TOR1AIP2: variants seen among roughly 807,000 people sequenced by gnomAD.
TOR1AIP2 encodes the protein torsin-1A-interacting protein 2.
Under a neutral mutation model 32.6 loss-of-function variants are expected in TOR1AIP2, and 20 were observed. The ratio of observed to expected loss-of-function variants is 0.61; its 90% CI spans 0.43 to 0.89. The LOEUF (loss-of-function observed/expected upper bound fraction) is 0.89, where lower values mean the gene tolerates loss of function less well. Among genes scored for constraint, TOR1AIP2 ranks in the 40% least tolerant of loss-of-function variants. TOR1AIP2 has a pLI of 0.00. For synonymous variants in TOR1AIP2, 214 were observed against 210.8 expected, an observed-to-expected ratio of 1.02 and a Z score of -0.13; for missense variants, 456 against 553.8, an observed-to-expected ratio of 0.82 and a Z score of 1.77.
chr1:179,856,278 A>G (rs947739004), intron 3 of TOR1AIP2, among the ~76,000 whole-genome samples: 1 of 152,232 alleles, frequency 6.6e-6, no homozygotes, highest in African/African-American at 2.4e-5. Flanking sequence ...ATTATCCTCA[A>G]TAAACCTTAT....
intron 3 of TOR1AIP2, chr1:179,860,588 G>A (rs1696482927): frequency 1.0e-6 from 1 of 985,360 alleles, no homozygotes; most frequent in Non-Finnish European, 1.2e-6. Context: ...TTTAGTATGT[G>A]CCATATGTTT....
At chr1:179,850,437 T>C (rs1696072557) in intron 5 of TOR1AIP2, among the ~76,000 whole-genome samples, 2 of 152,254 alleles carry the variant, frequency 1.3e-5, no homozygotes, top group South Asian at 2.1e-4. Context: ...TTTTTAAATA[T>C]ACCCATCTCT....
chr1:179,862,107 G>T (rs1696558548), intron 3 of TOR1AIP2: 1 of 985,146 alleles, frequency 1.0e-6, no homozygotes, highest in African/African-American at 1.7e-5. Flanking sequence ...AGCTCTCACA[G>T]GTACTGCTTA....
intron 3 of TOR1AIP2, chr1:179,864,121 G>C: frequency 1.0e-6 from 1 of 985,394 alleles, no homozygotes; most frequent in Non-Finnish European, 1.2e-6. Context: ...TGGCATTTCT[G>C]CATGTTTCTG....
intron 3 of TOR1AIP2, chr1:179,860,022 TTTTTTGTAGA>T: frequency 1.4e-6 from 1 of 730,636 alleles, no homozygotes; most frequent in South Asian, 6.2e-5. Context: ...TTTTTAAAAC[TTTTTTGTAGA>T]GTTGGGGGTC....
chr1:179,852,823 T>C lies in TOR1AIP2; in HGVS notation c.-146-12A>G. ...CATATATACAGTGACTAAAACAAAA[T>C]GAAAAAAAATTAAATGACTTTTTAT... On this transcript the variant is annotated splice_polypyrimidine_tract_variant and intron_variant, in intron 3 of 6. Coordinates refer to ENST00000609928, the MANE Select transcript of TOR1AIP2 (RefSeq NM_001199260.2). 7.2e-7 allele frequency: 1 copy of C among 1,390,034 alleles called. No homozygotes were observed. The highest frequency in any genetic ancestry group is 9.4e-7 in the Non-Finnish European group (1 of 1,066,362). 86.1% of individuals were successfully genotyped at this position (1,390,034 alleles called of 1,614,324 possible).
At chr1:179,869,887 A>G (rs1030890199) in intron 2 of TOR1AIP2, among the ~76,000 whole-genome samples, 10 of 152,380 alleles carry the variant, frequency 6.6e-5, no homozygotes, top group Admixed American at 4.6e-4. Flanking sequence ...CTGTCAGATA[A>G]TAACACTTAG....
At chr1:179,863,690 AAAAAAAAAG>A in intron 3 of TOR1AIP2, 1 of 984,430 alleles carries the variant, frequency 1.0e-6, no homozygotes, top group Non-Finnish European at 1.2e-6. Context: ...AAAAAAAAAA[AAAAAAAAAG>A]AGGATCGCAA....
In TOR1AIP2 at chr1:179,845,910, A is replaced by G. The variant is rs1308426073; in HGVS notation, c.*161T>C. ...AAGGCTTAGATTAGAAAGATTTTAC[A>G]AGGAATAAAAAATAAAAACTTGTTT... On this transcript the variant is annotated 3_prime_UTR_variant, in exon 7 of 7. Coordinates refer to ENST00000609928, the MANE Select transcript of TOR1AIP2 (RefSeq NM_001199260.2). The G allele has an allele frequency of 5.9e-6, 4 of 680,628 alleles. No homozygotes were observed. The highest frequency in any genetic ancestry group is 9.2e-6 in the Non-Finnish European group (4 of 434,760). The allele number at this position is 680,628 out of a possible 1,614,324, so 42.2% of individuals were successfully genotyped here.
At position 179,847,638 on chromosome 1, in the gene TOR1AIP2, T is replaced by G; in HGVS notation, c.554-2A>C. On this transcript the variant is annotated splice_acceptor_variant, in intron 5 of 6. Transcript: ENST00000609928. LOFTEE classifies it high-confidence loss of function. ...TTTGTTGTGGATGACTTCCAGCCTCTGGAGAGGAAAAGAATCAATATTATT... is the reference window on the plus strand; with the variant it reads ...TTTGTTGTGGATGACTTCCAGCCTCGGGAGAGGAAAAGAATCAATATTATT... 1.9e-6 allele frequency: 3 copies of G among 1,590,830 alleles called. No individual in the cohort carries two copies. The highest frequency in any genetic ancestry group is 2.6e-6 in the Non-Finnish European group (3 of 1,158,904).
chr1:179,850,467 T>C (rs1273029836), intron 5 of TOR1AIP2, among the ~76,000 whole-genome samples: 3 of 152,264 alleles, frequency 2.0e-5, no homozygotes, highest in African/African-American at 7.2e-5. Context: ...TAACATTTAG[T>C]TTCCCAAAAA....
chr1:179,872,528 A>G (rs1055958085), intron 2 of TOR1AIP2, among the ~76,000 whole-genome samples: 1 of 152,222 alleles, frequency 6.6e-6, no homozygotes, highest in Non-Finnish European at 1.5e-5. Flanking sequence ...CTGGTGACTT[A>G]TTCTAGATTT....
intron 5 of TOR1AIP2, among the ~76,000 whole-genome samples, chr1:179,848,036 A>G (rs77412069): frequency 1.3e-5 from 2 of 149,186 alleles, no homozygotes; most frequent in African/African-American, 4.9e-5. Context: ...CCATCTCAGA[A>G]AAAAAAAAAA....
chr1:179,864,480 T>G, intron 3 of TOR1AIP2: 1 of 1,094,868 alleles, frequency 9.1e-7, no homozygotes, highest in Non-Finnish European at 1.1e-6. Flanking sequence ...ATGACACTCA[T>G]TAGGTTGCAG....
intron 2 of TOR1AIP2, among the ~76,000 whole-genome samples, chr1:179,870,179 G>C (rs549682286): frequency 6.6e-6 from 1 of 152,098 alleles, no homozygotes; most frequent in South Asian, 2.1e-4. Context: ...GGTGGATCAC[G>C]AGGTCAGGAG....
At chr1:179,847,859 C>A (rs1695969896) in intron 5 of TOR1AIP2, among the ~76,000 whole-genome samples, 2 of 151,980 alleles carry the variant, frequency 1.3e-5, no homozygotes, top group Admixed American at 1.3e-4. Flanking sequence ...CAAGGTGAAA[C>A]CCTGTCTCTA....
At position 179,851,008 on chromosome 1, in the gene TOR1AIP2, T is replaced by C. The variant is rs78506845; in HGVS notation, c.390A>G (p.Ala130=). ...SPSDKVGRAD[A]HLGSSSVALP... Reference sequence around the variant, plus strand: ...GGGCCACAGAGCTGCTCCCTAAGTGTGCATCTGCTCTTCCTACCTTGTCAC... The same window carrying C: ...GGGCCACAGAGCTGCTCCCTAAGTGCGCATCTGCTCTTCCTACCTTGTCAC... Residue 130 remains alanine (A), a synonymous_variant, in exon 5 of 7, where the codon GCA becomes GCG. Coordinates refer to ENST00000609928, the MANE Select transcript of TOR1AIP2 (RefSeq NM_001199260.2). 5.8e-3 allele frequency: 9,348 copies of C among 1,614,184 alleles called. 492 individuals are homozygous for C. In the African/African-American group the frequency reaches 0.11, roughly 19 times the overall value.
rs1006825668 is a variant in TOR1AIP2 at position 179,840,247 on chromosome 1, C to G, written c.*5824G>C. On this transcript the variant is annotated 3_prime_UTR_variant, in exon 7 of 7. Coordinates refer to ENST00000609928, the MANE Select transcript of TOR1AIP2 (RefSeq NM_001199260.2). The stretch of plus-strand genomic sequence containing the variant: ...GTGCTCTCTGATGAACCAGGAGCAA[C>G]TGCCTGGAGCTTTGTGTTGATGCGT... The G allele has an allele frequency of 2.0e-5, 3 of 152,208 alleles. No homozygotes were observed. The highest frequency in any genetic ancestry group is 6.5e-5 in the Admixed American group (1 of 15,282). The allele number at this position is 152,208 out of a possible 1,614,324, so 9.4% of individuals were successfully genotyped here. A position where few individuals can be genotyped will look rare whatever the true frequency, so the allele number is the denominator to read the frequency against.
chr1:179,863,753 A>C, intron 3 of TOR1AIP2: 1 of 985,252 alleles, frequency 1.0e-6, no homozygotes. Context: ...AATATTGATA[A>C]TATTGCTAAA....
Sources: allele counts gnomAD v4.1 joint callset (sites outside exome capture counted in the v4.1 genomes callset), GRCh38; gene constraint gnomAD v4.1.1; transcripts MANE v1.5; gene names NCBI Gene and HGNC (gene_info 2026-07-23, HGNC 2026-07-21).